Variants in DMD observed in about 807,000 individuals in gnomAD.
The protein encoded by DMD is mutant dystrophin.
DMD carries 63 observed loss-of-function variants against 330.1 expected under a neutral mutation model. The observed-to-expected ratio is 0.19, with a 90% confidence interval of 0.16 to 0.24. DMD has a LOEUF of 0.24. Ranked by LOEUF, DMD falls within the 10% of genes least tolerant of loss-of-function variation. DMD has a pLI of 1.00. For synonymous variants in DMD, 1,223 were observed against 959.8 expected (o/e 1.27, Z -5.07); for missense variants, 3,344 against 2,684.1 (o/e 1.25, Z -5.43).
At chrX:32,566,722 T>C (rs753243367) in intron 15 of DMD, among the ~76,000 whole-genome samples, 1 of 112,038 alleles carries the variant, frequency 8.9e-6, no homozygotes, top group East Asian at 2.8e-4. Context: ...GTGGTTTATG[T>C]GAAATCAGTA....
At chrX:31,755,212 G>C (rs1024645348) in intron 51 of DMD, among the ~76,000 whole-genome samples, 1 of 111,752 alleles carries the variant, frequency 8.9e-6, no homozygotes. Context: ...TCACTTATGA[G>C]ATTAGTGTTA....
chrX:33,165,774 A>T (rs1603376667), intron 1 of DMD, among the ~76,000 whole-genome samples: 1 of 111,680 alleles, frequency 9.0e-6, no homozygotes, highest in East Asian at 2.8e-4. Context: ...GAAAGAGATG[A>T]TTTTGTAATT....
chrX:31,881,511 C>T (rs1406109353), intron 47 of DMD, among the ~76,000 whole-genome samples: 2 of 111,852 alleles, frequency 1.8e-5, no homozygotes, highest in Non-Finnish European at 3.8e-5. Flanking sequence ...CACATTTGCT[C>T]ACCACTACCA....
intron 16 of DMD, among the ~76,000 whole-genome samples, chrX:32,547,185 C>T (rs2049056175): frequency 9.0e-6 from 1 of 111,183 alleles, no homozygotes; most frequent in Admixed American, 9.6e-5. Flanking sequence ...TGCAGAGATT[C>T]TGAAAATACC....
At chrX:31,483,978 A>C (rs775425264) in intron 57 of DMD, among the ~76,000 whole-genome samples, 1 of 111,519 alleles carries the variant, frequency 9.0e-6, no homozygotes, top group African/African-American at 3.3e-5. Context: ...TGGAGCTTAA[A>C]ACAAATGGCT....
intron 51 of DMD, among the ~76,000 whole-genome samples, chrX:31,748,947 G>A (rs2088115521): frequency 9.0e-6 from 1 of 111,034 alleles, no homozygotes; most frequent in Admixed American, 9.6e-5. Context: ...CTATAATGTA[G>A]CCGAAGCTGG....
chrX:32,593,976 T>C lies in DMD; in HGVS notation c.1602+1781A>G, dbSNP rs183094936. Among the ~76,000 whole-genome samples, 417 of 112,100 alleles carry C rather than the reference T, an allele frequency of 3.7e-3. 1 individual carries two copies. Among genetic ancestry groups the C allele is most frequent in the South Asian group, 8.5e-3 (23 of 2,720 alleles). On this transcript the variant is annotated intron_variant, in intron 13 of 78. Transcript: ENST00000357033. ...AGAATCTAATTATCGGAGAGCACAC[T>C]TTTCAGAATATTACACTTCATAAGC... is the stretch of plus-strand genomic sequence containing the variant.
intron 44 of DMD, among the ~76,000 whole-genome samples, chrX:32,061,375 G>T (rs1460813501): frequency 9.0e-6 from 1 of 111,222 alleles, no homozygotes; most frequent in East Asian, 2.9e-4. Context: ...CAGCTGGTAA[G>T]AAATTAAAGT....
chrX:31,561,866 T>A (rs2075218261), intron 55 of DMD, among the ~76,000 whole-genome samples: 1 of 112,240 alleles, frequency 8.9e-6, no homozygotes, highest in African/African-American at 3.2e-5. Context: ...TCCATATACA[T>A]ATTCAATGGT....
intron 30 of DMD, 65 bp from the exon 31 acceptor site, chrX:32,390,246 C>A: frequency 4.7e-6 from 4 of 859,232 alleles, no homozygotes; most frequent in Non-Finnish European, 6.9e-6. Context: ...TCCAAGAAGA[C>A]GAAATTCAGA....
intron 9 of DMD, among the ~76,000 whole-genome samples, chrX:32,645,374 T>C (rs969201986): frequency 1.1e-4 from 12 of 112,092 alleles, no homozygotes; most frequent in African/African-American, 3.2e-4. Context: ...CAAATTAATA[T>C]TGTATTAAAG....
In DMD at chrX:32,650,650, C is replaced by A. The variant is rs769616729; in HGVS notation, c.961-5498G>T. Among the ~76,000 whole-genome samples the A allele has an allele frequency of 1.4e-4, 16 of 111,891 alleles. No individual in the cohort carries two copies. In the East Asian group the frequency reaches 2.8e-3, roughly 20 times the overall value. On this transcript the variant is annotated intron_variant, in intron 9 of 78. Coordinates refer to ENST00000357033, the MANE Select transcript of DMD (RefSeq NM_004006.3). ...CTGAAGTGATTTATGAGAAATTAATCCATCATGCAACACTGTACATGACAT... is the reference window on the plus strand; with the variant it reads ...CTGAAGTGATTTATGAGAAATTAATACATCATGCAACACTGTACATGACAT...
intron 71 of DMD, among the ~76,000 whole-genome samples, chrX:31,177,725 C>T (rs1391076115): frequency 3.6e-5 from 4 of 109,595 alleles, no homozygotes; most frequent in Non-Finnish European, 7.6e-5. Context: ...CCAAAAAACC[C>T]ACTCTGATTC....
chrX:32,877,497 G>A (rs747657369), intron 2 of DMD, among the ~76,000 whole-genome samples: 7 of 112,078 alleles, frequency 6.2e-5, no homozygotes, highest in Non-Finnish European at 9.4e-5. Flanking sequence ...ATTCAGGTAA[G>A]TGCTTAATTG....
chrX:32,328,710 G>A lies in DMD; in HGVS notation c.5922+13390C>T, dbSNP rs186941918. On this transcript the variant is annotated intron_variant, in intron 41 of 78. Coordinates refer to ENST00000357033, the MANE Select transcript of DMD (RefSeq NM_004006.3). The stretch of plus-strand genomic sequence containing the variant: ...ATTACAAAAAAAAAAAACTATTAGG[G>A]AACATCACAAAAGTTCTGCCCTTTA... Among the ~76,000 whole-genome samples, 24 of 109,703 alleles carry A rather than the reference G, an allele frequency of 2.2e-4. No individual in the cohort carries two copies. In the East Asian group the frequency reaches 6.9e-3, roughly 31 times the overall value.
At chrX:31,178,527 A>G (rs993801817) in intron 70 of DMD, 142 bp downstream of exon 70, 44 of 1,020,765 alleles carry the variant, frequency 4.3e-5, no homozygotes, top group Non-Finnish European at 5.0e-5. Flanking sequence ...ACATCAGCTT[A>G]TTTTTCTCTT....
intron 50 of DMD, among the ~76,000 whole-genome samples, chrX:31,787,636 G>A (rs921977342): frequency 8.1e-5 from 9 of 111,506 alleles, no homozygotes; most frequent in African/African-American, 1.6e-4. Flanking sequence ...CTTGAACTCC[G>A]TCTTCATAAT....
chrX:31,524,189 T>C (rs1172751020), intron 55 of DMD, among the ~76,000 whole-genome samples: 2 of 111,974 alleles, frequency 1.8e-5, no homozygotes, highest in Non-Finnish European at 3.8e-5. Flanking sequence ...AAAGAAGTGA[T>C]AGTGCTACAG....
chrX:32,720,007 T>A (rs772325785), intron 7 of DMD, among the ~76,000 whole-genome samples: 1 of 110,451 alleles, frequency 9.1e-6, no homozygotes, highest in East Asian at 2.8e-4. Flanking sequence ...CACGTTTTAA[T>A]ATTAAAGTAA....
Sources: allele counts gnomAD v4.1 joint callset (sites outside exome capture counted in the v4.1 genomes callset), GRCh38; gene constraint gnomAD v4.1.1; transcripts MANE v1.5; gene names NCBI Gene and HGNC (gene_info 2026-07-23, HGNC 2026-07-21).